ACAP2: variants seen among roughly 807,000 people sequenced by gnomAD.
ACAP2 encodes the protein ArfGAP with coiled-coil, ankyrin repeat and PH domains 2.
A neutral mutation model predicts 115.8 loss-of-function variants in ACAP2; 39 were observed. That is an observed-to-expected ratio of 0.34 (90% CI 0.26 to 0.44). ACAP2 has a LOEUF of 0.44. ACAP2 is among the 20% of genes least tolerant of loss of function. ACAP2 has a pLI of 1.00. For missense variants in ACAP2, 662 were observed against 927.6 expected, an observed-to-expected ratio of 0.71 and a Z score of 3.72; for synonymous variants, 289 against 315.8, an observed-to-expected ratio of 0.92 and a Z score of 0.90.
At chr3:195,322,799 G>C (rs566991350) in intron 9 of ACAP2, among the ~76,000 whole-genome samples, 81 of 152,076 alleles carry the variant, frequency 5.3e-4, no homozygotes, top group African/African-American at 1.8e-3. Context: ...GAAAGTGCAG[G>C]GCATTACAAG....
At chr3:195,283,879 A>C (rs1374275432) in intron 22 of ACAP2, among the ~76,000 whole-genome samples, 1 of 152,182 alleles carries the variant, frequency 6.6e-6, no homozygotes, top group East Asian at 1.9e-4. Context: ...GCTTGTTTTA[A>C]AATGAGGCTT....
intron 1 of ACAP2, among the ~76,000 whole-genome samples, chr3:195,412,615 A>C (rs1265299514): frequency 6.6e-6 from 1 of 152,094 alleles, no homozygotes; most frequent in East Asian, 1.9e-4. Flanking sequence ...TACCTCAAAA[A>C]ATAAAATAAA....
At chr3:195,390,013 C>T (rs532467958) in intron 2 of ACAP2, among the ~76,000 whole-genome samples, 2 of 152,224 alleles carry the variant, frequency 1.3e-5, no homozygotes, top group East Asian at 1.9e-4. Context: ...CTGGCCAACA[C>T]GGTGAAATCC....
chr3:195,315,681 A>G (rs529915257), intron 10 of ACAP2, among the ~76,000 whole-genome samples: 1 of 152,308 alleles, frequency 6.6e-6, no homozygotes, highest in Non-Finnish European at 1.5e-5. Flanking sequence ...GGGCTCTACA[A>G]TCTATGATTC....
chr3:195,311,146 G>A (rs1232755759), intron 10 of ACAP2, among the ~76,000 whole-genome samples: 1 of 149,824 alleles, frequency 6.7e-6, no homozygotes, highest in Non-Finnish European at 1.5e-5. Flanking sequence ...ACCCAAGCTG[G>A]AGTGCAGGGG....
At chr3:195,327,028 C>T in intron 8 of ACAP2, 69 bp from the exon 9 acceptor site, 1 of 1,301,948 alleles carries the variant, frequency 7.7e-7, no homozygotes, top group Non-Finnish European at 1.1e-6. Flanking sequence ...AACCATATTC[C>T]AAATCATTTC....
chr3:195,396,793 G>GAAAAAAAAAAAAAAAAAAAAAA (rs62983860), intron 1 of ACAP2, among the ~76,000 whole-genome samples: 1 of 91,820 alleles, frequency 1.1e-5, no homozygotes, highest in Non-Finnish European at 1.9e-5. Flanking sequence ...TCTCAAAAAA[G>GAAAAAAAAAAAAAAAAAAAAAA]AAAAAAAAAA....
chr3:195,327,806 C>G (rs113391135), intron 8 of ACAP2, among the ~76,000 whole-genome samples: 5 of 152,088 alleles, frequency 3.3e-5, no homozygotes, highest in African/African-American at 1.2e-4. Context: ...TGGCAGGTGC[C>G]TGTAATCCTA....
chr3:195,430,971 A>T (rs777524881), intron 1 of ACAP2, among the ~76,000 whole-genome samples: 1 of 152,180 alleles, frequency 6.6e-6, no homozygotes, highest in Non-Finnish European at 1.5e-5. Flanking sequence ...GAGTTCTACA[A>T]CCATTACCAC....
At chr3:195,326,808 C>A in intron 9 of ACAP2, 77 bp downstream of exon 9, 1 of 1,284,118 alleles carries the variant, frequency 7.8e-7, no homozygotes, top group South Asian at 1.2e-5. Context: ...TGTTCCAATA[C>A]AATGATACCT....
At chr3:195,381,873 AT>A in intron 3 of ACAP2, 29 bp downstream of exon 3, 1 of 1,557,464 alleles carries the variant, frequency 6.4e-7, no homozygotes, top group South Asian at 1.2e-5. Context: ...TTTTTTTTTC[AT>A]TTTTAACTGC....
rs1259378709 is a variant in ACAP2 at position 195,289,138 on chromosome 3, A to G, written c.2157T>C (p.Asn719=). 1 of 1,610,698 alleles carries G rather than the reference A, an allele frequency of 6.2e-7. No homozygotes were observed. Among genetic ancestry groups the G allele is most frequent in the African/African-American group, 1.3e-5 (1 of 74,734 alleles). ...GTACTTACAAGGTGACTATATCAGC[A>G]TTGGCTGCTTCCACAGCTATGCTCA... The part of the protein sequence containing the change: ...DPLSIAVEAA[N]ADIVTLLRLA... Residue 719 remains asparagine, a synonymous_variant, in exon 21 of 23, where the codon AAT becomes AAC. Transcript: ENST00000326793.
intron 4 of ACAP2, among the ~76,000 whole-genome samples, chr3:195,370,149 T>C (rs76019703): frequency 0.021 from 3,267 of 152,308 alleles, 115 homozygotes; most frequent in East Asian, 0.1. Flanking sequence ...TTCTGGATAT[T>C]AGAGCATTGT....
intron 10 of ACAP2, among the ~76,000 whole-genome samples, chr3:195,314,990 T>TA (rs1174910420): frequency 1.3e-5 from 2 of 152,208 alleles, no homozygotes; most frequent in African/African-American, 2.4e-5. Context: ...AGAAAATACT[T>TA]AAAGACTTTA....
At chr3:195,384,106 C>A (rs952046448) in intron 2 of ACAP2, among the ~76,000 whole-genome samples, 1 of 152,122 alleles carries the variant, frequency 6.6e-6, no homozygotes, top group African/African-American at 2.4e-5. Context: ...CTTCTAACTT[C>A]GCAATTTCAC....
intron 9 of ACAP2, among the ~76,000 whole-genome samples, chr3:195,325,762 T>C (rs1212340539): frequency 6.6e-6 from 1 of 152,194 alleles, no homozygotes; most frequent in Admixed American, 6.5e-5. Flanking sequence ...AGCAATCTTT[T>C]CATGATCATG....
At chr3:195,294,124 G>A (rs1441680695) in intron 18 of ACAP2, among the ~76,000 whole-genome samples, 2 of 151,886 alleles carry the variant, frequency 1.3e-5, no homozygotes, top group African/African-American at 4.8e-5. Flanking sequence ...GGGTGACAGA[G>A]CAAGACTCCA....
At chr3:195,312,083 T>A (rs77833307) in intron 10 of ACAP2, among the ~76,000 whole-genome samples, 5,354 of 151,930 alleles carry the variant, frequency 0.035, 167 homozygotes, top group East Asian at 0.1. Context: ...AAACAAAAAA[T>A]TCGAGTTATC....
At chr3:195,415,282 C>CTTTT (rs60818924) in intron 1 of ACAP2, among the ~76,000 whole-genome samples, 2 of 139,666 alleles carry the variant, frequency 1.4e-5, no homozygotes, top group African/African-American at 5.3e-5. Context: ...CTAAAAAAGT[C>CTTTT]TTTTTTTTTT....
Sources: allele counts gnomAD v4.1 joint callset (sites outside exome capture counted in the v4.1 genomes callset), GRCh38; gene constraint gnomAD v4.1.1; transcripts MANE v1.5; gene names NCBI Gene and HGNC (gene_info 2026-07-23, HGNC 2026-07-21).